The following RETREG1 variants were observed in gnomAD, a reference collection of about 807,000 sequenced individuals.
The protein encoded by RETREG1 is family with sequence similarity 134 member B.
A neutral mutation model predicts 54.8 loss-of-function variants in RETREG1; 44 were observed. The observed-to-expected ratio is 0.80, with a 90% CI of 0.63 to 1.03. The LOEUF (loss-of-function observed/expected upper bound fraction) is 1.03, where lower values mean the gene tolerates loss of function less well. RETREG1 is among the 50% of genes least tolerant of loss of function. The pLI, the probability that RETREG1 is intolerant of heterozygous loss-of-function variation, is 0.00. For missense variants in RETREG1, 554 were observed against 605.1 expected, an observed-to-expected ratio of 0.92 and a Z score of 0.89; for synonymous variants, 217 against 238.5, an observed-to-expected ratio of 0.91 and a Z score of 0.83.
intron 2 of RETREG1, among the ~76,000 whole-genome samples, chr5:16,568,525 G>A (rs1390364031): frequency 1.3e-5 from 2 of 152,208 alleles, no homozygotes; most frequent in East Asian, 1.9e-4. Flanking sequence ...CACCTGCCTC[G>A]GCCTTCCAAA....
chr5:16,558,668 G>T (rs970798490), intron 3 of RETREG1, among the ~76,000 whole-genome samples: 1 of 152,208 alleles, frequency 6.6e-6, no homozygotes, highest in Non-Finnish European at 1.5e-5. Flanking sequence ...ATTATAAAGT[G>T]CAAGTTACAA....
chr5:16,569,587 G>A (rs6860618), intron 2 of RETREG1, among the ~76,000 whole-genome samples: 2 of 152,100 alleles, frequency 1.3e-5, no homozygotes, highest in Admixed American at 6.5e-5. Context: ...TCTATTTGAC[G>A]CTTTTATTGA....
At chr5:16,571,807 C>G (rs1266092606) in intron 2 of RETREG1, among the ~76,000 whole-genome samples, 189 bp downstream of exon 2, 1 of 152,152 alleles carries the variant, frequency 6.6e-6, no homozygotes, top group Non-Finnish European at 1.5e-5. Flanking sequence ...CACACACAAA[C>G]CTTTTACCTA....
chr5:16,586,022 A>T (rs984216600), intron 1 of RETREG1, among the ~76,000 whole-genome samples: 16 of 152,298 alleles, frequency 1.1e-4, no homozygotes, highest in African/African-American at 3.6e-4. Flanking sequence ...TATATCAGCT[A>T]GCCATAAGTT....
intron 2 of RETREG1, among the ~76,000 whole-genome samples, chr5:16,571,577 C>A (rs991661302): frequency 1.3e-5 from 2 of 151,794 alleles, no homozygotes; most frequent in Non-Finnish European, 2.9e-5. Context: ...ATTATCAACT[C>A]ATTTTTTAAA....
intron 8 of RETREG1, 82 bp from the exon 9 acceptor site, chr5:16,475,316 T>C: frequency 6.6e-7 from 1 of 1,511,026 alleles, no homozygotes; most frequent in Non-Finnish European, 9.0e-7. Flanking sequence ...TATCTGACTT[T>C]AATCTGAACC....
At chr5:16,498,416 A>AT (rs1208680778) in intron 3 of RETREG1, among the ~76,000 whole-genome samples, 1 of 152,242 alleles carries the variant, frequency 6.6e-6, no homozygotes, top group African/African-American at 2.4e-5. Flanking sequence ...AGAATAAAAG[A>AT]TTTTTAAAAA....
chr5:16,520,318 T>TG (rs111662732), intron 3 of RETREG1, among the ~76,000 whole-genome samples: 8 of 92,764 alleles, frequency 8.6e-5, no homozygotes, highest in South Asian at 6.0e-4. Flanking sequence ...GGTTTTGTGG[T>TG]TTTTTTTTTG....
intron 5 of RETREG1, among the ~76,000 whole-genome samples, 171 bp from the exon 6 acceptor site, chr5:16,479,158 A>G (rs1738663798): frequency 1.3e-5 from 2 of 151,908 alleles, no homozygotes; most frequent in South Asian, 4.1e-4. Flanking sequence ...TAAGGTAAAC[A>G]TTTTCTGCCA....
intron 2 of RETREG1, among the ~76,000 whole-genome samples, chr5:16,566,465 T>C (rs1225991465): frequency 6.6e-6 from 1 of 152,218 alleles, no homozygotes; most frequent in Non-Finnish European, 1.5e-5. Flanking sequence ...ATCTTGATAT[T>C]ATACTCCCAG....
chr5:16,552,974 CAAA>C, intron 3 of RETREG1, among the ~76,000 whole-genome samples: 1 of 152,240 alleles, frequency 6.6e-6, no homozygotes, highest in African/African-American at 2.4e-5. Flanking sequence ...AGACTAAAGA[CAAA>C]AAAACCTCCC....
chr5:16,547,030 C>T (rs1741408390), intron 3 of RETREG1, among the ~76,000 whole-genome samples: 1 of 152,218 alleles, frequency 6.6e-6, no homozygotes, highest in South Asian at 2.1e-4. Context: ...CATGTTCTGA[C>T]ATCAACGGAA....
chr5:16,579,588 A>G (rs1742428738), intron 1 of RETREG1, among the ~76,000 whole-genome samples: 1 of 152,158 alleles, frequency 6.6e-6, no homozygotes, highest in Non-Finnish European at 1.5e-5. Context: ...CTGGCCGTAA[A>G]AGTCCCCTGT....
At chr5:16,587,338 G>GAAATTATATATCC (rs1228575349) in intron 1 of RETREG1, among the ~76,000 whole-genome samples, 1 of 152,186 alleles carries the variant, frequency 6.6e-6, no homozygotes, top group Non-Finnish European at 1.5e-5. Context: ...TAGATACATG[G>GAAATTATATATCC]AAATTATATA....
At chr5:16,602,611 A>G (rs748308226) in intron 1 of RETREG1, among the ~76,000 whole-genome samples, 3 of 152,210 alleles carry the variant, frequency 2.0e-5, no homozygotes, top group Non-Finnish European at 4.4e-5. Flanking sequence ...CAAACTTCTG[A>G]TATCATGACA....
At position 16,523,035 on chromosome 5, in the gene RETREG1, TAG is replaced by T. The variant is rs149898762; in HGVS notation, c.459-39565_459-39564del. ...AGAAGAAAGAAAAGAAAGAAAGAGA[TAG>T]AGAGAGAGAGAGAGGGAAGAAGGGA... On this transcript the variant is annotated intron_variant, in intron 3 of 8. Transcript: ENST00000306320. 5.0e-3 allele frequency among the ~76,000 whole-genome samples: 729 copies of T among 145,524 alleles called. 5 individuals are homozygous for T. The highest frequency in any genetic ancestry group is 8.4e-3 in the Non-Finnish European group (551 of 65,888).
chr5:16,484,667 G>T (rs1219928891), intron 3 of RETREG1, among the ~76,000 whole-genome samples: 1 of 152,030 alleles, frequency 6.6e-6, no homozygotes, highest in Non-Finnish European at 1.5e-5. Context: ...TGAATAGTAA[G>T]GCAATTTGTA....
chr5:16,610,970 G>A lies in RETREG1; in HGVS notation c.320+5682C>T, dbSNP rs192651250. Among the ~76,000 whole-genome samples the A allele has an allele frequency of 5.3e-5, 8 of 152,148 alleles. No individual in the cohort carries two copies. In the East Asian group the frequency reaches 1.2e-3, roughly 22 times the overall value. On this transcript the variant is annotated intron_variant, in intron 1 of 8. Transcript: ENST00000306320. Reference sequence around the variant, plus strand: ...ACACATGCACACATATGTTTATTGCGGCACTATTCACAATACCAAAGACTT... The same window carrying A: ...ACACATGCACACATATGTTTATTGCAGCACTATTCACAATACCAAAGACTT...
chr5:16,499,820 T>A (rs1160789405), intron 3 of RETREG1, among the ~76,000 whole-genome samples: 1 of 152,246 alleles, frequency 6.6e-6, no homozygotes, highest in Non-Finnish European at 1.5e-5. Flanking sequence ...CATTCTGGGC[T>A]TCGACCCTTT....
Sources: allele counts gnomAD v4.1 joint callset (sites outside exome capture counted in the v4.1 genomes callset), GRCh38; gene constraint gnomAD v4.1.1; transcripts MANE v1.5; gene names NCBI Gene and HGNC (gene_info 2026-07-23, HGNC 2026-07-21).